Variants in LUC7L3 observed in about 807,000 individuals in gnomAD.
LUC7L3 encodes luc7-like protein 3.
Under a neutral mutation model 66.8 loss-of-function variants are expected in LUC7L3, and 6 were observed. That is an observed-to-expected ratio of 0.09 (90% CI 0.05 to 0.18). The LOEUF (loss-of-function observed/expected upper bound fraction) is 0.18. Among genes scored for constraint, LUC7L3 ranks in the 10% least tolerant of loss-of-function variants. LUC7L3 has a pLI of 1.00. For missense variants in LUC7L3, 341 were observed against 531.1 expected (o/e 0.64, Z 3.52); for synonymous variants, 160 against 174.7 (o/e 0.92, Z 0.66).
intron 1 of LUC7L3, among the ~76,000 whole-genome samples, chr17:50,726,805 T>TA (rs1969219083): frequency 6.6e-6 from 1 of 152,120 alleles, no homozygotes. Flanking sequence ...GAATACAGTA[T>TA]ATAGCCAGGC....
At chr17:50,719,989 C>T (rs1419025150) in intron 1 of LUC7L3, among the ~76,000 whole-genome samples, 158 bp downstream of exon 1, 2 of 152,180 alleles carry the variant, frequency 1.3e-5, no homozygotes, top group Admixed American at 6.5e-5. Context: ...GGATGCTGTC[C>T]GGACCCGGGG....
chr17:50,721,274 CCTT>C (rs1968737236), intron 1 of LUC7L3, among the ~76,000 whole-genome samples: 1 of 152,138 alleles, frequency 6.6e-6, no homozygotes, highest in African/African-American at 2.4e-5. Context: ...CCATTGCACT[CCTT>C]ATCAGTTGGA....
intron 1 of LUC7L3, among the ~76,000 whole-genome samples, chr17:50,721,095 T>C (rs543618302): frequency 1.4e-5 from 2 of 146,828 alleles, no homozygotes; most frequent in African/African-American, 2.5e-5. Context: ...CGAAGTAACT[T>C]TTTTTTTTTT....
chr17:50,735,488 GCCTTT>G (rs1969923817), intron 1 of LUC7L3, among the ~76,000 whole-genome samples: 1 of 150,700 alleles, frequency 6.6e-6, no homozygotes, highest in Non-Finnish European at 1.5e-5. Context: ...TTTTCCTTTT[GCCTTT>G]CCTTTCTTTT....
chr17:50,751,454 T>G lies in LUC7L3; in HGVS notation c.*793T>G. On this transcript the variant is annotated 3_prime_UTR_variant, in exon 10 of 10. Coordinates refer to ENST00000505658, the MANE Select transcript of LUC7L3 (RefSeq NM_016424.5). ...ACGCTTAACTGTTGTGTATCTTTTT[T>G]GTTCTTTACAAGAAGTGCAGAGGGG... The G allele has an allele frequency of 1.6e-6, 2 of 1,256,300 alleles. No homozygotes were observed. Among genetic ancestry groups the G allele is most frequent in the Non-Finnish European group, 2.1e-6 (2 of 970,054 alleles). 77.8% of individuals were successfully genotyped at this position (1,256,300 alleles called of 1,614,324 possible).
At chr17:50,741,431 T>G (rs889573803) in intron 4 of LUC7L3, 185 bp downstream of exon 4, 8 of 726,132 alleles carry the variant, frequency 1.1e-5, no homozygotes, top group Non-Finnish European at 1.7e-5. Flanking sequence ...TTGCTAACCA[T>G]AAGATTTTTC....
At chr17:50,723,873 G>A (rs1490422117) in intron 1 of LUC7L3, 2 of 423,442 alleles carry the variant, frequency 4.7e-6, no homozygotes, top group Non-Finnish European at 9.7e-6. Context: ...GACCTCAAGT[G>A]ATCGGTCCGC....
At position 50,751,780 on chromosome 17, in the gene LUC7L3, T is replaced by C; in HGVS notation, c.*1119T>C. On this transcript the variant is annotated 3_prime_UTR_variant, in exon 10 of 10. Transcript: ENST00000505658. Reference sequence around the variant, plus strand: ...AGTGTGAATAGCAAGGACAGACACCTTCAATTTGTGAAATCAAAGAACTGA... The same window carrying C: ...AGTGTGAATAGCAAGGACAGACACCCTCAATTTGTGAAATCAAAGAACTGA... 2.0e-6 allele frequency: 2 copies of C among 1,019,072 alleles called. No homozygotes were observed. The highest frequency in any genetic ancestry group is 3.5e-5 in the African/African-American group (2 of 57,716). 63.1% of individuals were successfully genotyped at this position (1,019,072 alleles called of 1,614,324 possible).
At chr17:50,738,613 GA>G (rs1259988400) in intron 2 of LUC7L3, among the ~76,000 whole-genome samples, 2 of 152,050 alleles carry the variant, frequency 1.3e-5, no homozygotes, top group Non-Finnish European at 2.9e-5. Context: ...TAAAACTGAA[GA>G]AATAGAACTA....
At chr17:50,720,347 G>A (rs144717084) in intron 1 of LUC7L3, among the ~76,000 whole-genome samples, 6 of 152,342 alleles carry the variant, frequency 3.9e-5, no homozygotes, top group African/African-American at 1.4e-4. Flanking sequence ...TGATTTACAA[G>A]TATTGTTCGT....
Position 50,745,864 on chromosome 17 carries a change from G to GAAA in LUC7L3, c.841_843dup (p.Lys281dup). The GAAA allele has an allele frequency of 6.2e-7, 1 of 1,602,100 alleles. No homozygotes were observed. The highest frequency in any genetic ancestry group is 1.1e-5 in the South Asian group (1 of 89,922). On this transcript the variant is annotated inframe_insertion, in exon 8 of 10. Coordinates refer to ENST00000505658, the MANE Select transcript of LUC7L3 (RefSeq NM_016424.5). ...AAGACGAAGGGAAGAGGAAGAAAGA[G>GAAA]AAAAAGAAAGGGCTCGTGACAGAGA...
At chr17:50,723,343 CTA>C (rs1283112137) in intron 1 of LUC7L3, 1 of 152,184 alleles carries the variant, frequency 6.6e-6, no homozygotes, top group Non-Finnish European at 1.5e-5. Flanking sequence ...GGAAATTGAA[CTA>C]TGTTCTTTTC....
In LUC7L3 at chr17:50,746,010, A is replaced by G; in HGVS notation, c.977+7A>G. The G allele has an allele frequency of 1.3e-6, 2 of 1,591,124 alleles. No homozygotes were observed. The highest frequency in any genetic ancestry group is 1.2e-5 in the South Asian group (1 of 86,072). ...GAGAAAGAAGGCGGAGCAGGTATAT[A>G]TAAAACACCCTAAGACTGTCCAGCT... is the stretch of plus-strand genomic sequence containing the variant. On this transcript the variant is annotated splice_region_variant and intron_variant, in intron 8 of 9. Coordinates refer to ENST00000505658, the MANE Select transcript of LUC7L3 (RefSeq NM_016424.5).
chr17:50,755,553 C>T lies in LUC7L3; in HGVS notation c.*4892C>T, dbSNP rs749226159. On this transcript the variant is annotated 3_prime_UTR_variant, in exon 10 of 10. Coordinates refer to ENST00000505658, the MANE Select transcript of LUC7L3 (RefSeq NM_016424.5). ...TTTTGAATTTACTATTTTAAAAATT[C>T]AAGAGTTTTGTAGCTGATCTATTTC... is the stretch of plus-strand genomic sequence containing the variant. 6.6e-6 allele frequency: 1 copy of T among 152,136 alleles called. No individual in the cohort carries two copies. The highest frequency in any genetic ancestry group is 2.4e-5 in the African/African-American group (1 of 41,428). The allele number at this position is 152,136 out of a possible 1,614,324, so 9.4% of individuals were successfully genotyped here. A position where few individuals can be genotyped will look rare whatever the true frequency, so the allele number is the denominator to read the frequency against.
intron 1 of LUC7L3, among the ~76,000 whole-genome samples, chr17:50,732,535 C>G (rs370314766): frequency 1.5e-4 from 23 of 151,314 alleles, no homozygotes; most frequent in African/African-American, 5.4e-4. Context: ...GTGTGTGACA[C>G]CATACCTGGC....
intron 2 of LUC7L3, 70 bp from the exon 3 acceptor site, chr17:50,740,236 T>TA: frequency 1.9e-6 from 2 of 1,079,566 alleles, no homozygotes; most frequent in Non-Finnish European, 2.7e-6. Flanking sequence ...GAAAAATAAC[T>TA]CTTTTTTTTT....
At chr17:50,741,818 C>A (rs1056844983) in intron 5 of LUC7L3, 87 bp downstream of exon 5, 28 of 1,026,480 alleles carry the variant, frequency 2.7e-5, no homozygotes, top group Admixed American at 1.1e-4. Flanking sequence ...GGCATGGTAA[C>A]TCATGTGTAT....
chr17:50,745,923 C>T lies in LUC7L3; in HGVS notation c.897C>T (p.His299=), dbSNP rs1464055751. ...AGAGAAGTCGTTCACGAAGTAGACACTCAAGCCGAACATCAGACAGAAGAT... is the reference window on the plus strand; with the variant it reads ...AGAGAAGTCGTTCACGAAGTAGACATTCAAGCCGAACATCAGACAGAAGAT... The part of the protein sequence containing the change: ...RRKRSRSRSR[H]SSRTSDRRCS... The change falls in exon 8 of 10, where the codon CAC becomes CAT. Residue 299 remains histidine, a synonymous_variant. Coordinates refer to ENST00000505658, the MANE Select transcript of LUC7L3 (RefSeq NM_016424.5). The T allele has an allele frequency of 1.2e-6, 2 of 1,613,432 alleles. No individual in the cohort carries two copies. Among genetic ancestry groups the T allele is most frequent in the South Asian group, 1.1e-5 (1 of 90,898 alleles).
At chr17:50,729,111 C>T (rs1349516487) in intron 1 of LUC7L3, among the ~76,000 whole-genome samples, 1 of 152,018 alleles carries the variant, frequency 6.6e-6, no homozygotes, top group African/African-American at 2.4e-5. Flanking sequence ...AGAAACATAA[C>T]TAAAAAGACC....
Sources: allele counts gnomAD v4.1 joint callset (sites outside exome capture counted in the v4.1 genomes callset), GRCh38; gene constraint gnomAD v4.1.1; transcripts MANE v1.5; gene names NCBI Gene and HGNC (gene_info 2026-07-23, HGNC 2026-07-21).